Variants in CHFR observed in about 807,000 individuals in gnomAD.
CHFR encodes the protein checkpoint with forkhead and ring finger domains.
A neutral mutation model predicts 87.6 loss-of-function variants in CHFR; 57 were observed. The observed-to-expected ratio is 0.65, with a 90% CI of 0.53 to 0.81. The LOEUF (loss-of-function observed/expected upper bound fraction) is 0.81. Ranked by LOEUF, CHFR falls within the 30% of genes least tolerant of loss-of-function variation. The pLI, the probability that CHFR is intolerant of heterozygous loss-of-function variation, is 0.00. For missense variants in CHFR, 797 were observed against 865.8 expected (o/e 0.92, Z 1.00); for synonymous variants, 381 against 359.2 (o/e 1.06, Z -0.69).
chr12:132,843,999 A>T, intron 16 of CHFR, 28 bp downstream of exon 16: 1 of 1,415,930 alleles, frequency 7.1e-7, no homozygotes, highest in Non-Finnish European at 1.0e-6. Context: ...ACAGAACTAG[A>T]GCCATGAGGA....
chr12:132,877,474 C>G (rs879518298), intron 3 of CHFR, 81 bp downstream of exon 3: 157 of 842,546 alleles, frequency 1.9e-4, no homozygotes, highest in Non-Finnish European at 2.6e-4. Flanking sequence ...CCTCCTCAGC[C>G]GTGGCACACA....
rs774580014 is a variant in CHFR, at chr12:132,859,242, G to A, written c.752-15C>T. 6 of 1,608,412 alleles carry A rather than the reference G, an allele frequency of 3.7e-6. No individual in the cohort carries two copies. The African/African-American group carries it at 6.7e-5, about 18-fold the overall frequency. Reference sequence around the variant, plus strand: ...AAGGTCCCCATCTACAGGAGAAAGGGATGTGTTCTGTCGTAACCAAGAAGG... The same window carrying A: ...AAGGTCCCCATCTACAGGAGAAAGGAATGTGTTCTGTCGTAACCAAGAAGG... On this transcript the variant is annotated splice_polypyrimidine_tract_variant and intron_variant, in intron 7 of 17. Transcript: ENST00000450056.
At chr12:132,871,697 G>A (rs1453801421) in intron 4 of CHFR, among the ~76,000 whole-genome samples, 7 of 151,830 alleles carry the variant, frequency 4.6e-5, no homozygotes, top group East Asian at 1.9e-4. Context: ...GCTTGAACCC[G>A]GCAGGTGGAG....
In CHFR at chr12:132,850,875, G is replaced by A. The variant is rs559950143; in HGVS notation, c.1492+743C>T. ...AGGAAGTCATAAAAAAAAGGCAAAG[G>A]ACATAGACAGACATTTCTGCAGGAA... On this transcript the variant is annotated intron_variant, in intron 12 of 17. Transcript: ENST00000450056. 1.3e-4 allele frequency among the ~76,000 whole-genome samples: 19 copies of A among 150,870 alleles called. No individual in the cohort carries two copies. In the South Asian group the frequency reaches 2.1e-3, roughly 17 times the overall value.
At position 132,837,044 on chromosome 12, in the gene CHFR, A is replaced by G; in HGVS notation, c.*4510T>C. On this transcript the variant is annotated 3_prime_UTR_variant, in exon 18 of 18. Coordinates refer to ENST00000450056, the MANE Select transcript of CHFR (RefSeq NM_001161346.2). Reference sequence around the variant, plus strand: ...AGCCCTGCAGGAGCTGAATGAGGAGAGGCTGCAGAGGGAGGGGCTGGTACC... The same window carrying G: ...AGCCCTGCAGGAGCTGAATGAGGAGGGGCTGCAGAGGGAGGGGCTGGTACC... 1 of 339,722 alleles carries G rather than the reference A, an allele frequency of 2.9e-6. No individual in the cohort carries two copies. The highest frequency in any genetic ancestry group is 5.8e-6 in the Non-Finnish European group (1 of 173,560). The allele number at this position is 339,722 out of a possible 1,614,324, so 21.0% of individuals were successfully genotyped here. A position where few individuals can be genotyped will look rare whatever the true frequency, so the allele number is the denominator to read the frequency against.
intron 2 of CHFR, among the ~76,000 whole-genome samples, chr12:132,880,351 G>A (rs771711633): frequency 1.3e-5 from 2 of 152,088 alleles, no homozygotes; most frequent in African/African-American, 4.8e-5. Context: ...ATAATAAGCT[G>A]AGGTTTGTCA....
rs754666879 is a variant in CHFR at position 132,859,051 on chromosome 12, G to A, written c.911+17C>T. ...GCAGTGCCATGTTCCGTGAGCCAAG[G>A]GTGAACACGGTCGCACCTCACGCAG... On this transcript the variant is annotated intron_variant, in intron 8 of 17. Coordinates refer to ENST00000450056, the MANE Select transcript of CHFR (RefSeq NM_001161346.2). The A allele has an allele frequency of 2.1e-5, 34 of 1,608,716 alleles. No homozygotes were observed. The highest frequency in any genetic ancestry group is 2.7e-5 in the Non-Finnish European group (32 of 1,176,904).
chr12:132,865,101 C>T (rs4237797), intron 6 of CHFR, among the ~76,000 whole-genome samples: 148,129 of 152,310 alleles, frequency 0.97, 72,184 homozygotes, highest in East Asian at 1. Context: ...CTAGTAACCC[C>T]GCGTCCTGTC....
rs1243209945 is a variant in CHFR at position 132,838,584 on chromosome 12, C to G, written c.*2970G>C. The G allele has an allele frequency of 1.3e-5, 2 of 152,532 alleles. No individual in the cohort carries two copies. Among genetic ancestry groups the G allele is most frequent in the African/African-American group, 2.4e-5 (1 of 41,438 alleles). 9.4% of individuals were successfully genotyped at this position (152,532 alleles called of 1,614,324 possible). ...CTGTGGGGCCAGCGGGCAGCTGCAG[C>G]CCTGCCCTGGGTTTGTCCCAAGGCT... On this transcript the variant is annotated 3_prime_UTR_variant, in exon 18 of 18. Transcript: ENST00000450056.
intron 2 of CHFR, among the ~76,000 whole-genome samples, chr12:132,882,176 T>C (rs1355209253): frequency 6.6e-6 from 1 of 152,194 alleles, no homozygotes; most frequent in Non-Finnish European, 1.5e-5. Flanking sequence ...TAACAAGCCA[T>C]GGTGCATCCA....
intron 10 of CHFR, among the ~76,000 whole-genome samples, chr12:132,855,635 C>A (rs1951048836): frequency 6.6e-6 from 1 of 151,980 alleles, no homozygotes; most frequent in Non-Finnish European, 1.5e-5. Context: ...TCACTGCACT[C>A]CAGCCTGGCA....
chr12:132,836,686 G>C lies in CHFR; in HGVS notation c.*4868C>G, dbSNP rs1323331886. 2.2e-6 allele frequency: 1 copy of C among 456,070 alleles called. No homozygotes were observed. Among genetic ancestry groups the C allele is most frequent in the Non-Finnish European group, 4.4e-6 (1 of 226,806 alleles). The allele number at this position is 456,070 out of a possible 1,614,324, so 28.3% of individuals were successfully genotyped here. ...GTCTGCTCTGTGTGAGGAACTTTAA[G>C]ACCCCACCATCTAGACTCACCGCCT... is the stretch of plus-strand genomic sequence containing the variant. On this transcript the variant is annotated 3_prime_UTR_variant, in exon 18 of 18. Transcript: ENST00000450056.
chr12:132,869,973 T>C, intron 5 of CHFR, 175 bp from the exon 6 acceptor site: 1 of 701,486 alleles, frequency 1.4e-6, no homozygotes, highest in South Asian at 1.8e-5. Context: ...CTTTGGGAAG[T>C]CGAGGCAGGT....
chr12:132,835,617 A>G lies in CHFR; in HGVS notation c.*5937T>C, dbSNP rs1046181547. Reference sequence around the variant, plus strand: ...AGGAGATGCTGCCCACGAGCCAAGGAGACAGACCAAAGAGGAACCGGCCCC... The same window carrying G: ...AGGAGATGCTGCCCACGAGCCAAGGGGACAGACCAAAGAGGAACCGGCCCC... On this transcript the variant is annotated 3_prime_UTR_variant, in exon 18 of 18. Transcript: ENST00000450056. 7 of 183,796 alleles carry G rather than the reference A, an allele frequency of 3.8e-5. No individual in the cohort carries two copies. Among genetic ancestry groups the G allele is most frequent in the African/African-American group, 1.4e-4 (6 of 41,560 alleles). 11.4% of individuals were successfully genotyped at this position (183,796 alleles called of 1,614,324 possible).
rs1297928499 is a variant in CHFR at position 132,835,254 on chromosome 12, AAAC to A, written c.*6297_*6299del. ...TGGTATCCAGCATGTGGGGTTTGCC[AAAC>A]AACAACAAACAAAACCACCCAATTT... On this transcript the variant is annotated 3_prime_UTR_variant, in exon 18 of 18. Coordinates refer to ENST00000450056, the MANE Select transcript of CHFR (RefSeq NM_001161346.2). 2.6e-5 allele frequency: 4 copies of A among 152,174 alleles called. No individual in the cohort carries two copies. Among genetic ancestry groups the A allele is most frequent in the African/African-American group, 9.7e-5 (4 of 41,422 alleles). The allele number at this position is 152,174 out of a possible 1,614,324, so 9.4% of individuals were successfully genotyped here.
Position 132,836,852 on chromosome 12 carries a change from G to A in CHFR, c.*4702C>T, listed in dbSNP as rs982035759. 2.3e-6 allele frequency: 1 copy of A among 437,580 alleles called. No individual in the cohort carries two copies. The highest frequency in any genetic ancestry group is 2.0e-5 in the African/African-American group (1 of 49,440). The allele number at this position is 437,580 out of a possible 1,614,324, so 27.1% of individuals were successfully genotyped here. On this transcript the variant is annotated 3_prime_UTR_variant, in exon 18 of 18. Transcript: ENST00000450056. ...GTAGCCAACTGGTCAGTGATCAGTA[G>A]ATGCTGCCCTGGGGCCAAACATTTC...
At chr12:132,869,822 T>G in intron 5 of CHFR, 24 bp from the exon 6 acceptor site, 3 of 1,551,112 alleles carry the variant, frequency 1.9e-6, no homozygotes, top group Non-Finnish European at 2.6e-6. Context: ...GAACACATTT[T>G]CCTTGTTAGC....
intron 2 of CHFR, among the ~76,000 whole-genome samples, chr12:132,881,920 G>C (rs1420580052): frequency 1.3e-5 from 2 of 151,288 alleles, no homozygotes; most frequent in Non-Finnish European, 2.9e-5. Context: ...CAAAAGGGAA[G>C]TGGAAAACCT....
At chr12:132,863,835 T>C (rs1383198973) in intron 6 of CHFR, among the ~76,000 whole-genome samples, 2 of 152,196 alleles carry the variant, frequency 1.3e-5, no homozygotes, top group African/African-American at 2.4e-5. Context: ...CTTCATTCAC[T>C]GCAACCTCTG....
Sources: allele counts gnomAD v4.1 joint callset (sites outside exome capture counted in the v4.1 genomes callset), GRCh38; gene constraint gnomAD v4.1.1; transcripts MANE v1.5; gene names NCBI Gene and HGNC (gene_info 2026-07-23, HGNC 2026-07-21).